The following PCDHGA1 variants were observed in gnomAD, a reference collection of about 807,000 sequenced individuals.
PCDHGA1 encodes the protein protocadherin gamma subfamily A, 1.
Under a neutral mutation model 58.0 loss-of-function variants are expected in PCDHGA1, and 32 were observed. That is an observed-to-expected ratio of 0.55 (90% CI 0.42 to 0.74). The LOEUF (loss-of-function observed/expected upper bound fraction) is 0.74. Among genes scored for constraint, PCDHGA1 ranks in the 30% least tolerant of loss-of-function variants. The pLI is 0.00. For synonymous variants in PCDHGA1, 498 were observed against 501.1 expected, an observed-to-expected ratio of 0.99 and a Z score of 0.08; for missense variants, 1,205 against 1,182.3, an observed-to-expected ratio of 1.02 and a Z score of -0.28.
chr5:141,393,577 T>C (rs781192019), intron 1 of PCDHGA1: 1 of 1,613,890 alleles, frequency 6.2e-7, no homozygotes, highest in Admixed American at 1.7e-5. Flanking sequence ...CTTGAGAACA[T>C]GCCCCCAGGC....
At chr5:141,383,064 G>A (rs1384491005) in intron 1 of PCDHGA1, 1 of 1,613,928 alleles carries the variant, frequency 6.2e-7, no homozygotes, top group Non-Finnish European at 8.5e-7. Flanking sequence ...TGGGGCTGGA[G>A]CCCCGGGAGC....
rs774582698 is a variant in PCDHGA1, at chr5:141,360,234, C to G, written c.2421+27129C>G. 1.9e-6 allele frequency: 3 copies of G among 1,613,870 alleles called. No individual in the cohort carries two copies. In the South Asian group the frequency reaches 3.3e-5, roughly 18 times the overall value. On this transcript the variant is annotated intron_variant, in intron 1 of 3. Coordinates refer to ENST00000517417, the MANE Select transcript of PCDHGA1 (RefSeq NM_018912.3). ...TCCCCGGGGCTCTCCCAGTCCAGAT[C>G]CGCTATTCAATTCCAGAGGAGCTGG...
intron 1 of PCDHGA1, among the ~76,000 whole-genome samples, chr5:141,336,064 G>A (rs890351677): frequency 1.3e-5 from 2 of 152,124 alleles, no homozygotes; most frequent in Non-Finnish European, 1.5e-5. Context: ...AACATACAAT[G>A]AGTATATACT....
chr5:141,483,168 C>A (rs750259590), intron 1 of PCDHGA1, among the ~76,000 whole-genome samples: 3 of 152,104 alleles, frequency 2.0e-5, no homozygotes, highest in Non-Finnish European at 4.4e-5. Context: ...CCTGAGTTAC[C>A]TTTGGGCCAA....
chr5:141,345,371 T>G, intron 1 of PCDHGA1: 1 of 1,614,072 alleles, frequency 6.2e-7, no homozygotes, highest in Non-Finnish European at 8.5e-7. Context: ...TTGACATCAA[T>G]GACAACCCAC....
chr5:141,383,226 G>A (rs771882574), intron 1 of PCDHGA1: 1 of 1,613,936 alleles, frequency 6.2e-7, no homozygotes, highest in Non-Finnish European at 8.5e-7. Flanking sequence ...TTAACATCCT[G>A]ATGGAAGATA....
Position 141,468,058 on chromosome 5 carries a change from C to T in PCDHGA1, c.2422-26749C>T, listed in dbSNP as rs993225792. ...TAGAAAACTAAGCCGGGCACAGTGG[C>T]TCACACCTGTAATCCCAGCACTTTG... On this transcript the variant is annotated intron_variant, in intron 1 of 3. Transcript: ENST00000517417. 1.1e-4 allele frequency among the ~76,000 whole-genome samples: 16 copies of T among 152,140 alleles called. 2 individuals carry two copies. The highest frequency in any genetic ancestry group is 5.2e-4 in the Admixed American group (8 of 15,276).
chr5:141,504,474 G>A (rs903417314), intron 2 of PCDHGA1, among the ~76,000 whole-genome samples: 1 of 152,066 alleles, frequency 6.6e-6, no homozygotes, highest in African/African-American at 2.4e-5. Context: ...TGGGATGGGA[G>A]TACAGTGGAG....
chr5:141,446,482 CT>C (rs112180482), intron 1 of PCDHGA1, among the ~76,000 whole-genome samples: 30,290 of 146,632 alleles, frequency 0.21, 3,322 homozygotes, highest in African/African-American at 0.31. Flanking sequence ...GGTCATCATT[CT>C]TTTTTTTTTT....
chr5:141,331,445 A>C lies in PCDHGA1; in HGVS notation c.761A>C (p.Asn254Thr), dbSNP rs1321933706. ...QAQYHINVPENVPLGTQLLMV... is the reference protein window; with the variant it reads ...QAQYHINVPETVPLGTQLLMV... ...CAATACCATATAAATGTCCCCGAAA[A>C]CGTGCCGCTGGGTACTCAGCTGCTC... is the stretch of plus-strand genomic sequence containing the variant. Residue 254 changes from asparagine to threonine, a missense_variant, in exon 1 of 4, where the codon AAC becomes ACC. Physicochemically the swap from Asn to Thr is moderately conservative, Grantham distance 65 (BLOSUM62 0). Transcript: ENST00000517417. The C allele has an allele frequency of 6.2e-7, 1 of 1,613,970 alleles. No individual in the cohort carries two copies. The highest frequency in any genetic ancestry group is 8.5e-7 in the Non-Finnish European group (1 of 1,180,046).
rs757586675 is a variant in PCDHGA1, at chr5:141,399,621, C to T, written c.2421+66516C>T. The T allele has an allele frequency of 1.1e-5, 17 of 1,613,830 alleles. No individual in the cohort carries two copies. The African/African-American group carries it at 2.3e-4, about 22-fold the overall frequency. On this transcript the variant is annotated intron_variant, in intron 1 of 3. Transcript: ENST00000517417. Reference sequence around the variant, plus strand: ...GCGACCTAGAGCCTCTGGCACTGGCCTCTTACGTGTCCATGAGCGCGCAAA... The same window carrying T: ...GCGACCTAGAGCCTCTGGCACTGGCTTCTTACGTGTCCATGAGCGCGCAAA...
chr5:141,448,894 G>A (rs2098614669), intron 1 of PCDHGA1, among the ~76,000 whole-genome samples: 2 of 152,098 alleles, frequency 1.3e-5, no homozygotes, highest in South Asian at 4.1e-4. Context: ...GCAGTGAGCC[G>A]AGATCGTGCC....
chr5:141,353,688 G>A (rs6870557), intron 1 of PCDHGA1, among the ~76,000 whole-genome samples: 1,925 of 152,162 alleles, frequency 0.013, 50 homozygotes, highest in African/African-American at 0.044. Context: ...TTTATAAAGC[G>A]TTTTCCATAC....
intron 1 of PCDHGA1, among the ~76,000 whole-genome samples, chr5:141,353,287 T>A (rs747205699): frequency 1.3e-5 from 2 of 152,228 alleles, no homozygotes; most frequent in Non-Finnish European, 2.9e-5. Context: ...GTCATTTTAT[T>A]CTTAGCTCTT....
chr5:141,353,282 T>G (rs1759236412), intron 1 of PCDHGA1, among the ~76,000 whole-genome samples: 1 of 152,194 alleles, frequency 6.6e-6, no homozygotes. Flanking sequence ...TTCAAGTCAT[T>G]TTATTCTTAG....
At chr5:141,360,333 G>T (rs759219766) in intron 1 of PCDHGA1, 1 of 1,613,972 alleles carries the variant, frequency 6.2e-7, no homozygotes, top group East Asian at 2.2e-5. Context: ...CCCGGAAGCT[G>T]CGGGTTAGCG....
In PCDHGA1 at chr5:141,476,622, T is replaced by C. The variant is rs1480639256; in HGVS notation, c.2422-18185T>C. The C allele has an allele frequency of 6.2e-7, 1 of 1,614,238 alleles. No individual in the cohort carries two copies. The highest frequency in any genetic ancestry group is 2.2e-5 in the East Asian group (1 of 44,878). On this transcript the variant is annotated intron_variant, in intron 1 of 3. Transcript: ENST00000517417. This position sits in a 1 kb window ranked among gnomAD's most constrained non-coding sequence, Gnocchi z 7.6. ...GATCCCGATGTGGGAAGCAACTCTT[T>C]ACAAACCTATGAGCTGAGCCGAAAT...
chr5:141,360,619 G>A, intron 1 of PCDHGA1: 2 of 1,614,012 alleles, frequency 1.2e-6, no homozygotes, highest in East Asian at 2.2e-5. Context: ...GGATTCAGAT[G>A]TTGGTCCTAA....
At chr5:141,467,060 T>C (rs1304506319) in intron 1 of PCDHGA1, among the ~76,000 whole-genome samples, 1 of 151,520 alleles carries the variant, frequency 6.6e-6, no homozygotes, top group Non-Finnish European at 1.5e-5. Context: ...GTTTTCTTTT[T>C]TTTTTTTTTT....
Sources: allele counts gnomAD v4.1 joint callset (sites outside exome capture counted in the v4.1 genomes callset), GRCh38; gene constraint gnomAD v4.1.1; non-coding constraint Gnocchi (gnomAD v3.1); transcripts MANE v1.5; gene names NCBI Gene and HGNC (gene_info 2026-07-23, HGNC 2026-07-21).